FHOD3: variants seen among roughly 807,000 people sequenced by gnomAD.
FHOD3 encodes formin homology 2 domain containing 3.
A neutral mutation model predicts 173.0 loss-of-function variants in FHOD3; 90 were observed. That is an observed-to-expected ratio of 0.52 (90% confidence interval 0.44 to 0.62). The LOEUF (loss-of-function observed/expected upper bound fraction) is 0.62. FHOD3 is among the 20% of genes least tolerant of loss of function. The probability of loss-of-function intolerance (pLI) is 0.00; values close to 1 mark genes in which losing one functional copy is unlikely to be tolerated. For missense variants in FHOD3, 1,945 were observed against 2,034.7 expected, an observed-to-expected ratio of 0.96 and a Z score of 0.85; for synonymous variants, 828 against 823.0, an observed-to-expected ratio of 1.01 and a Z score of -0.10.
intron 7 of FHOD3, among the ~76,000 whole-genome samples, chr18:36,599,798 A>G (rs2031077193): frequency 1.3e-5 from 2 of 152,218 alleles, no homozygotes; most frequent in Non-Finnish European, 2.9e-5. Flanking sequence ...AACCACCACC[A>G]TTACAATTAC....
intron 3 of FHOD3, among the ~76,000 whole-genome samples, chr18:36,402,940 C>T (rs1309877330): frequency 1.3e-5 from 2 of 152,158 alleles, no homozygotes; most frequent in Non-Finnish European, 2.9e-5. Flanking sequence ...CCAACGGTGA[C>T]GCAAGTTAGA....
chr18:36,390,370 T>A (rs1268277074), intron 3 of FHOD3, among the ~76,000 whole-genome samples: 5 of 152,182 alleles, frequency 3.3e-5, no homozygotes, highest in Non-Finnish European at 5.9e-5. Context: ...GGCCATAGTA[T>A]TCCAGGTTAA....
intron 5 of FHOD3, among the ~76,000 whole-genome samples, chr18:36,572,893 G>A (rs1302561833): frequency 3.9e-5 from 6 of 152,184 alleles, no homozygotes; most frequent in East Asian, 1.9e-4. Flanking sequence ...TCAGCAGCGG[G>A]ACTCAGAATG....
At chr18:36,618,986 A>G (rs549654547) in intron 9 of FHOD3, among the ~76,000 whole-genome samples, 19 of 152,144 alleles carry the variant, frequency 1.2e-4, no homozygotes, top group African/African-American at 4.6e-4. Context: ...TTGTCTGTCT[A>G]TATTCACCCT....
intron 3 of FHOD3, among the ~76,000 whole-genome samples, chr18:36,418,465 A>G (rs2049792493): frequency 6.6e-6 from 1 of 152,138 alleles, no homozygotes; most frequent in Non-Finnish European, 1.5e-5. Context: ...TAAGAATTAG[A>G]TTGTTTAAGG....
intron 11 of FHOD3, among the ~76,000 whole-genome samples, chr18:36,649,655 T>C (rs919984167): frequency 6.6e-6 from 1 of 152,172 alleles, no homozygotes; most frequent in Non-Finnish European, 1.5e-5. Context: ...AATCACTGGT[T>C]TTCTCCTCAC....
At chr18:36,577,811 T>C (rs772783949) in intron 6 of FHOD3, among the ~76,000 whole-genome samples, 3 of 152,220 alleles carry the variant, frequency 2.0e-5, no homozygotes, top group Non-Finnish European at 4.4e-5. Flanking sequence ...GAAGCAGATC[T>C]ATTCCGTCAC....
intron 3 of FHOD3, among the ~76,000 whole-genome samples, chr18:36,438,953 C>T (rs775319079): frequency 9.2e-5 from 14 of 152,182 alleles, no homozygotes; most frequent in Non-Finnish European, 1.9e-4. Flanking sequence ...TACCTCGCAC[C>T]CAAAGTTGTG....
intron 3 of FHOD3, among the ~76,000 whole-genome samples, chr18:36,427,286 TAAAAAAAAAAAAAAAAA>T (rs35854743): frequency 1.3e-5 from 1 of 79,480 alleles, no homozygotes; most frequent in Non-Finnish European, 2.4e-5. Context: ...CTTGCTTCTC[TAAAAAAAAAAAAAAAAA>T]AAAAAAAAAA....
intron 2 of FHOD3, 126 bp downstream of exon 2, chr18:36,355,771 C>A: frequency 1.3e-6 from 1 of 744,026 alleles, no homozygotes; most frequent in South Asian, 1.8e-5. Flanking sequence ...CAATCACACA[C>A]GAGGGAGATG....
At chr18:36,613,790 C>T (rs943249678) in intron 9 of FHOD3, among the ~76,000 whole-genome samples, 3 of 152,168 alleles carry the variant, frequency 2.0e-5, no homozygotes, top group Non-Finnish European at 4.4e-5. Context: ...TCTCCAGCCT[C>T]AGCTTTCCCA....
chr18:36,537,276 T>C (rs1363261650), intron 5 of FHOD3, among the ~76,000 whole-genome samples: 1 of 152,228 alleles, frequency 6.6e-6, no homozygotes, highest in Non-Finnish European at 1.5e-5. Flanking sequence ...ATACTCCAGT[T>C]TTCCAGCTTT....
intron 11 of FHOD3, among the ~76,000 whole-genome samples, chr18:36,649,701 G>A (rs2035923468): frequency 6.6e-6 from 1 of 152,118 alleles, no homozygotes; most frequent in South Asian, 2.1e-4. Context: ...AGCTCAACCA[G>A]ATTGATGGTG....
At chr18:36,562,582 C>A (rs2058125555) in intron 5 of FHOD3, among the ~76,000 whole-genome samples, 1 of 152,148 alleles carries the variant, frequency 6.6e-6, no homozygotes, top group African/African-American at 2.4e-5. Flanking sequence ...TGAAGCGGAC[C>A]AGTGCCTCCT....
chr18:36,460,011 T>C (rs749171812), intron 3 of FHOD3, among the ~76,000 whole-genome samples: 1 of 152,200 alleles, frequency 6.6e-6, no homozygotes, highest in Non-Finnish European at 1.5e-5. Flanking sequence ...TGGTCAGATA[T>C]TGAGTAAAGT....
chr18:36,659,819 C>T (rs1200876014), intron 14 of FHOD3, among the ~76,000 whole-genome samples: 1 of 152,222 alleles, frequency 6.6e-6, no homozygotes, highest in Non-Finnish European at 1.5e-5. Flanking sequence ...AAGCCCCAAC[C>T]TCTGCCCGCT....
At chr18:36,415,688 G>A (rs1248789176) in intron 3 of FHOD3, among the ~76,000 whole-genome samples, 2 of 152,164 alleles carry the variant, frequency 1.3e-5, no homozygotes, top group Non-Finnish European at 2.9e-5. Context: ...TTTCCAGTAG[G>A]ATTAAAATTA....
chr18:36,733,630 T>G (rs1198683672), intron 20 of FHOD3, among the ~76,000 whole-genome samples: 1 of 152,192 alleles, frequency 6.6e-6, no homozygotes, highest in African/African-American at 2.4e-5. Context: ...ATGAACCAAA[T>G]TATTATTTTT....
intron 14 of FHOD3, among the ~76,000 whole-genome samples, chr18:36,675,555 A>T (rs952635984): frequency 6.6e-6 from 1 of 152,144 alleles, no homozygotes; most frequent in Non-Finnish European, 1.5e-5. Context: ...ATGCCACTGG[A>T]TAGCCTGCCT....
Sources: allele counts gnomAD v4.1 joint callset (sites outside exome capture counted in the v4.1 genomes callset), GRCh38; gene constraint gnomAD v4.1.1; transcripts MANE v1.5; gene names NCBI Gene and HGNC (gene_info 2026-07-23, HGNC 2026-07-21).